MGAT5B: variants seen among roughly 807,000 people sequenced by gnomAD.
MGAT5B encodes the protein N-acetylglucosaminyl-transferase Vb.
A neutral mutation model predicts 95.1 loss-of-function variants in MGAT5B; 54 were observed. That is an observed-to-expected ratio of 0.57 (90% CI 0.46 to 0.71). The LOEUF is 0.71. Among genes scored for constraint, MGAT5B ranks in the 30% least tolerant of loss-of-function variants. MGAT5B has a pLI of 0.00. For missense variants in MGAT5B, 935 were observed against 1,088.6 expected, an observed-to-expected ratio of 0.86 and a Z score of 1.99; for synonymous variants, 464 against 451.0, an observed-to-expected ratio of 1.03 and a Z score of -0.36.
At chr17:76,872,517 C>A in intron 1 of MGAT5B, 1 of 682,048 alleles carries the variant, frequency 1.5e-6, no homozygotes, top group Non-Finnish European at 2.4e-6. Flanking sequence ...GTGATGCTGA[C>A]TGCTCGTCTG....
Position 76,872,788 on chromosome 17 carries a change from G to A in MGAT5B, c.69-63G>A, listed in dbSNP as rs376852668. 73 of 1,613,752 alleles carry A rather than the reference G, an allele frequency of 4.5e-5. 1 individual carries two copies. The highest frequency in any genetic ancestry group is 4.1e-4 in the African/African-American group (31 of 74,936). On this transcript the variant is annotated intron_variant, in intron 1 of 17. Coordinates refer to ENST00000569840, the MANE Select transcript of MGAT5B (RefSeq NM_001199172.2). ...TAAAACATTTGTGCAGCCGGTACGT[G>A]GTGGAGCGTCAGGGCACGATGGCCC...
intron 3 of MGAT5B, among the ~76,000 whole-genome samples, chr17:76,883,927 G>T (rs1212527500): frequency 6.6e-6 from 1 of 152,220 alleles, no homozygotes; most frequent in Non-Finnish European, 1.5e-5. Flanking sequence ...ATGTGGACTG[G>T]TGTGGGATCC....
chr17:76,924,739 T>C (rs1598972514), intron 8 of MGAT5B, among the ~76,000 whole-genome samples: 1 of 152,142 alleles, frequency 6.6e-6, no homozygotes, highest in Non-Finnish European at 1.5e-5. Flanking sequence ...CCAGGCTGGG[T>C]GCACGGGAGC....
intron 12 of MGAT5B, among the ~76,000 whole-genome samples, chr17:76,936,801 T>G (rs536988152): frequency 6.6e-5 from 10 of 152,222 alleles, no homozygotes; most frequent in Non-Finnish European, 1.3e-4. Flanking sequence ...TTGATCTGTT[T>G]GTCTATCTTG....
At chr17:76,901,820 G>C (rs961903708) in intron 3 of MGAT5B, among the ~76,000 whole-genome samples, 3 of 152,264 alleles carry the variant, frequency 2.0e-5, no homozygotes, top group African/African-American at 7.2e-5. Context: ...CCTAGGAAAA[G>C]GCCTCTGTCA....
rs758394238 is a variant in MGAT5B at position 76,906,060 on chromosome 17, G to A, written c.898G>A (p.Val300Met). ...CTTCCTGACGGAGGAGTCCGGGGAC[G>A]TGTTCAGCCCTCGGGTCCTGAAGGG... ...IGFLTEESGD[V>M]FSPRVLKGGP... is the part of the protein sequence containing the mutation. The change falls in exon 8 of 18, where the codon GTG (valine) becomes ATG (methionine). Residue 300 changes from valine (V) to methionine (M), a missense_variant. Around this residue, in one of 4 missense-constraint regions of MGAT5B, gnomAD observed 243 missense variants for 305.5 expected, o/e 0.80. Transcript: ENST00000569840. This position sits in a 1 kb window ranked among gnomAD's most constrained non-coding sequence, Gnocchi z 4.6. 2 of 1,609,196 alleles carry A rather than the reference G, an allele frequency of 1.2e-6. No homozygotes were observed. The highest frequency in any genetic ancestry group is 1.7e-5 in the Admixed American group (1 of 59,516).
Position 76,940,385 on chromosome 17 carries a change from G to T in MGAT5B, c.1585-17G>T. ...CGGCCCAGCCCTCCCTGATCACTGCGCCCCTTGACTCTGCAGCTCTTCATC... is the reference window on the plus strand; with the variant it reads ...CGGCCCAGCCCTCCCTGATCACTGCTCCCCTTGACTCTGCAGCTCTTCATC... On this transcript the variant is annotated splice_polypyrimidine_tract_variant and intron_variant, in intron 13 of 17. Coordinates refer to ENST00000569840, the MANE Select transcript of MGAT5B (RefSeq NM_001199172.2). This position sits in a 1 kb window ranked among gnomAD's most constrained non-coding sequence, Gnocchi z 4.3. The T allele has an allele frequency of 6.3e-7, 1 of 1,580,646 alleles. No homozygotes were observed. The highest frequency in any genetic ancestry group is 1.3e-5 in the African/African-American group (1 of 74,102).
intron 8 of MGAT5B, chr17:76,913,922 G>A: frequency 2.6e-6 from 1 of 391,110 alleles, no homozygotes; most frequent in South Asian, 1.9e-5. Flanking sequence ...ACCAGCCTGG[G>A]CAAGATAGTG....
In MGAT5B at chr17:76,934,517, G is replaced by A. The variant is rs551577169; in HGVS notation, c.1428+1220G>A. On this transcript the variant is annotated intron_variant, in intron 12 of 17. Transcript: ENST00000569840. Reference sequence around the variant, plus strand: ...CAGAGGTCACTGTGGGGTGTGGAGCGGGGAGCTGGGAGATGAGGCTCCCCA... The same window carrying A: ...CAGAGGTCACTGTGGGGTGTGGAGCAGGGAGCTGGGAGATGAGGCTCCCCA... Among the ~76,000 whole-genome samples, 21 of 152,244 alleles carry A rather than the reference G, an allele frequency of 1.4e-4. No individual in the cohort carries two copies. The South Asian group carries it at 3.7e-3, about 27-fold the overall frequency.
intron 3 of MGAT5B, among the ~76,000 whole-genome samples, chr17:76,886,253 G>A (rs1967625503): frequency 6.6e-6 from 1 of 152,212 alleles, no homozygotes; most frequent in Admixed American, 6.5e-5. Flanking sequence ...CTGGAGGTTT[G>A]AGAGCAGGTG....
At chr17:76,884,949 G>A (rs1266998045) in intron 3 of MGAT5B, among the ~76,000 whole-genome samples, 2 of 151,864 alleles carry the variant, frequency 1.3e-5, no homozygotes, top group South Asian at 4.2e-4. Context: ...TGTTGCCTAG[G>A]TTGGTCTCGA....
chr17:76,904,422 G>A lies in MGAT5B; in HGVS notation c.690G>A (p.Gln230=), dbSNP rs1186219718. The A allele has an allele frequency of 7.1e-6, 11 of 1,554,408 alleles. No individual in the cohort carries two copies. The highest frequency in any genetic ancestry group is 8.7e-6 in the Non-Finnish European group (10 of 1,149,686). The change falls in exon 6 of 18, where the codon CAG becomes CAA. Residue 230 remains glutamine, a splice_region_variant and synonymous_variant. Transcript: ENST00000569840. ...QRAPKPLPKV[Q]AVFRSNLSHL... ...CACCCAAGCCCCTCCCCAAAGTCCA[G>A]GTGGGCCTGGGAGGTGGGTGGGCCG...
Position 76,872,934 on chromosome 17 carries a change from G to A in MGAT5B, c.152G>A (p.Gly51Glu), listed in dbSNP as rs1967060755. The A allele has an allele frequency of 1.2e-6, 2 of 1,613,992 alleles. No homozygotes were observed. Among genetic ancestry groups the A allele is most frequent in the East Asian group, 4.5e-5 (2 of 44,896 alleles). Residue 51 changes from glycine (G) to glutamate (E), a missense_variant, in exon 2 of 18, where the codon GGG becomes GAG. This residue lies in a region of MGAT5B where 243 missense variants were observed against 228.2 expected (regional missense o/e 1.06). Coordinates refer to ENST00000569840, the MANE Select transcript of MGAT5B (RefSeq NM_001199172.2). ...LGGQFSARRL[G>E]DSPFTIRTEV... The stretch of plus-strand genomic sequence containing the variant: ...GGCCAGTTCTCGGCCCGGCGCCTGG[G>A]GGACTCGCCATTCACCATCCGCACA...
chr17:76,948,876 T>C lies in MGAT5B; in HGVS notation c.*38T>C. On this transcript the variant is annotated 3_prime_UTR_variant, in exon 18 of 18. Transcript: ENST00000569840. Reference sequence around the variant, plus strand: ...CGCCCTGCCTGGCACCCACGCTGGCTCTCTCCTGCCGCGGGAGAAAGCACC... The same window carrying C: ...CGCCCTGCCTGGCACCCACGCTGGCCCTCTCCTGCCGCGGGAGAAAGCACC... 6.5e-7 allele frequency: 1 copy of C among 1,530,608 alleles called. No homozygotes were observed. Among genetic ancestry groups the C allele is most frequent in the Non-Finnish European group, 8.8e-7 (1 of 1,137,168 alleles). The allele number at this position is 1,530,608 out of a possible 1,614,324, so 94.8% of individuals were successfully genotyped here. A position where few individuals can be genotyped will look rare whatever the true frequency, so the allele number is the denominator to read the frequency against.
At chr17:76,926,527 TGG>T in intron 9 of MGAT5B, 68 bp from the exon 10 acceptor site, 1 of 1,495,354 alleles carries the variant, frequency 6.7e-7, no homozygotes, top group Non-Finnish European at 9.0e-7. Context: ...TGCTCGTGGC[TGG>T]GGCAACTTCA....
In MGAT5B at chr17:76,948,760, C is replaced by G; in HGVS notation, c.2301C>G (p.Ser767=). The G allele has an allele frequency of 6.2e-7, 1 of 1,611,208 alleles. No homozygotes were observed. The highest frequency in any genetic ancestry group is 8.5e-7 in the Non-Finnish European group (1 of 1,179,142). The change falls in exon 18 of 18, where the codon TCC becomes TCG. Residue 767 remains serine (S), a synonymous_variant. Coordinates refer to ENST00000569840, the MANE Select transcript of MGAT5B (RefSeq NM_001199172.2). ...KEPLLFSCAG[S]NTKYRRLCPC... ...CTCTGCTCTTCAGCTGCGCCGGCTC[C>G]AACACCAAGTACCGCCGGCTCTGCC...
chr17:76,945,638 G>A, intron 15 of MGAT5B, among the ~76,000 whole-genome samples: 1 of 152,226 alleles, frequency 6.6e-6, no homozygotes, highest in East Asian at 1.9e-4. Flanking sequence ...TTGGGGGTTT[G>A]TGCCTGTGGG....
chr17:76,946,717 A>G (rs1970041699), intron 16 of MGAT5B, among the ~76,000 whole-genome samples: 1 of 152,240 alleles, frequency 6.6e-6, no homozygotes, highest in Admixed American at 6.5e-5. Flanking sequence ...ACAGAAACAC[A>G]AAGACTTCCG....
chr17:76,887,699 G>A (rs1009315019), intron 3 of MGAT5B, among the ~76,000 whole-genome samples: 6 of 150,930 alleles, frequency 4.0e-5, no homozygotes, highest in South Asian at 4.2e-4. Flanking sequence ...GATTACAGGC[G>A]TGCACCACCA....
Sources: allele counts gnomAD v4.1 joint callset (sites outside exome capture counted in the v4.1 genomes callset), GRCh38; gene constraint gnomAD v4.1.1; regional missense constraint gnomAD v4.1.1; non-coding constraint Gnocchi (gnomAD v3.1); transcripts MANE v1.5; gene names NCBI Gene and HGNC (gene_info 2026-07-23, HGNC 2026-07-21).